The following MARCHF10 variants were observed in gnomAD, a reference collection of about 807,000 sequenced individuals.
MARCHF10 encodes membrane associated ring-CH-type finger 10.
Under a neutral mutation model 76.2 loss-of-function variants are expected in MARCHF10, and 64 were observed. The observed-to-expected ratio is 0.84, with a 90% CI of 0.69 to 1.03. The LOEUF (loss-of-function observed/expected upper bound fraction) is 1.03. Among genes scored for constraint, MARCHF10 ranks in the 50% least tolerant of loss-of-function variants. The probability of loss-of-function intolerance (pLI) is 0.00; values close to 1 mark genes in which losing one functional copy is unlikely to be tolerated. For synonymous variants in MARCHF10, 340 were observed against 357.5 expected (o/e 0.95, Z 0.55); for missense variants, 875 against 958.0 (o/e 0.91, Z 1.14).
rs968411286 is a variant in MARCHF10 at position 62,712,849 on chromosome 17, A to G, written c.2215-1505T>C. ...AACCTCCACCTCCCAGGTTCAAGCAATTCTCCTGCCTCAGCCTCCTGAGTA... is the reference window on the plus strand; with the variant it reads ...AACCTCCACCTCCCAGGTTCAAGCAGTTCTCCTGCCTCAGCCTCCTGAGTA... On this transcript the variant is annotated intron_variant, in intron 8 of 10. Coordinates refer to ENST00000311269, the MANE Select transcript of MARCHF10 (RefSeq NM_152598.4). The surrounding 1 kb of genome is among the most constrained non-coding windows in gnomAD (Gnocchi z 4.2). 6.6e-6 allele frequency among the ~76,000 whole-genome samples: 1 copy of G among 152,086 alleles called. No homozygotes were observed. Among genetic ancestry groups the G allele is most frequent in the African/African-American group, 2.4e-5 (1 of 41,408 alleles).
Position 62,800,293 on chromosome 17 carries a change from C to T in MARCHF10, c.90+1353G>A, listed in dbSNP as rs192834512. Among the ~76,000 whole-genome samples, 202 of 152,274 alleles carry T rather than the reference C, an allele frequency of 1.3e-3. 2 individuals carry two copies. Among genetic ancestry groups the T allele is most frequent in the Middle Eastern group, 0.01 (3 of 294 alleles). On this transcript the variant is annotated intron_variant, in intron 2 of 10. Transcript: ENST00000311269. ...ATTTTCTTCAACAAGGACCATAAAA[C>T]TATAAGATTGATTTTTTCCTACATG...
intron 6 of MARCHF10, among the ~76,000 whole-genome samples, chr17:62,733,327 T>A (rs1193622617): frequency 6.6e-6 from 1 of 150,580 alleles, no homozygotes; most frequent in Non-Finnish European, 1.5e-5. Context: ...TTTCACAGAA[T>A]GGAAAACACA....
At chr17:62,730,691 C>G (rs1039938183) in intron 6 of MARCHF10, among the ~76,000 whole-genome samples, 1 of 152,052 alleles carries the variant, frequency 6.6e-6, no homozygotes, top group Non-Finnish European at 1.5e-5. Flanking sequence ...GTCAGGAGTT[C>G]GAGACCAGCC....
Position 62,761,243 on chromosome 17 carries a change from A to C in MARCHF10, c.211-1237T>G, listed in dbSNP as rs77551702. Among the ~76,000 whole-genome samples the C allele has an allele frequency of 6.6e-3, 1,006 of 152,316 alleles. 7 individuals carry two copies. The highest frequency in any genetic ancestry group is 0.023 in the African/African-American group (949 of 41,576). On this transcript the variant is annotated intron_variant, in intron 3 of 10. Transcript: ENST00000311269. ...TTTGGATACAGCCTTCAAACAAATA[A>C]TTCTTGTTTCTCCGCACAATTTCAG...
At chr17:62,746,965 C>T (rs938911444) in intron 4 of MARCHF10, 64 of 1,535,944 alleles carry the variant, frequency 4.2e-5, no homozygotes, top group Non-Finnish European at 4.8e-5. Context: ...TCCACCAAGT[C>T]GGCTCTGACT....
intron 2 of MARCHF10, among the ~76,000 whole-genome samples, chr17:62,795,477 T>C (rs192202692): frequency 6.6e-6 from 1 of 151,832 alleles, no homozygotes; most frequent in Admixed American, 6.6e-5. Context: ...TGAAATAGCA[T>C]GCAATATGCC....
intron 5 of MARCHF10, among the ~76,000 whole-genome samples, chr17:62,739,501 C>A (rs1383853293): frequency 6.6e-6 from 1 of 151,698 alleles, no homozygotes; most frequent in South Asian, 2.1e-4. Context: ...CCTGCCTCAC[C>A]CTCCTGAGTA....
chr17:62,724,846 T>C lies in MARCHF10; in HGVS notation c.2104+92A>G, dbSNP rs892412702. ...TGAGTCGCTGTTCTGCGGAGGAGAG[T>C]GAGCTGATGACAAGGCTCCGGGGCC... On this transcript the variant is annotated intron_variant, in intron 7 of 10. Transcript: ENST00000311269. The C allele has an allele frequency of 7.3e-6, 10 of 1,373,058 alleles. No homozygotes were observed. The African/African-American group carries it at 1.5e-4, about 20-fold the overall frequency. 85.1% of individuals were successfully genotyped at this position (1,373,058 alleles called of 1,614,324 possible).
Position 62,754,182 on chromosome 17 carries a change from C to T in MARCHF10, c.382+5653G>A, listed in dbSNP as rs1164748592. On this transcript the variant is annotated intron_variant, in intron 4 of 10. Coordinates refer to ENST00000311269, the MANE Select transcript of MARCHF10 (RefSeq NM_152598.4). Reference sequence around the variant, plus strand: ...CCTCCTCCCGGGTTCAAGCGATTCTCGTACCTCAGCTTCCCAAGTAGCTGG... The same window carrying T: ...CCTCCTCCCGGGTTCAAGCGATTCTTGTACCTCAGCTTCCCAAGTAGCTGG... Among the ~76,000 whole-genome samples the T allele has an allele frequency of 2.0e-5, 3 of 152,196 alleles. No individual in the cohort carries two copies. The South Asian group carries it at 6.2e-4, about 32-fold the overall frequency.
At chr17:62,735,584 G>A (rs2091225152) in intron 6 of MARCHF10, 1 of 239,626 alleles carries the variant, frequency 4.2e-6, no homozygotes, top group Non-Finnish European at 7.8e-6. Flanking sequence ...TAGGGAGATA[G>A]CAACCTTTTC....
intron 2 of MARCHF10, among the ~76,000 whole-genome samples, chr17:62,797,736 C>G (rs562199571): frequency 6.6e-6 from 1 of 152,184 alleles, no homozygotes; most frequent in Admixed American, 6.5e-5. Flanking sequence ...CCAATGGTAT[C>G]GCCACATTTA....
chr17:62,772,291 TTCTC>T (rs1452380642), intron 3 of MARCHF10, among the ~76,000 whole-genome samples: 1 of 152,180 alleles, frequency 6.6e-6, no homozygotes, highest in Non-Finnish European at 1.5e-5. Context: ...CCTGCACAAG[TTCTC>T]TCTTTGTCTG....
chr17:62,798,947 G>C (rs1374139039), intron 2 of MARCHF10, among the ~76,000 whole-genome samples: 1 of 152,192 alleles, frequency 6.6e-6, no homozygotes, highest in Non-Finnish European at 1.5e-5. Flanking sequence ...GGACTAGATG[G>C]TGTGTAGCCT....
chr17:62,774,401 G>A (rs1454718150), intron 3 of MARCHF10, among the ~76,000 whole-genome samples: 1 of 152,116 alleles, frequency 6.6e-6, no homozygotes, highest in Non-Finnish European at 1.5e-5. Context: ...ACTGCCAGGG[G>A]ACTAACAGTG....
At chr17:62,769,117 G>A (rs143993027) in intron 3 of MARCHF10, among the ~76,000 whole-genome samples, 1 of 152,330 alleles carries the variant, frequency 6.6e-6, no homozygotes, top group Non-Finnish European at 1.5e-5. Flanking sequence ...TATAGGTGGT[G>A]TGGTGTCCTT....
At position 62,705,574 on chromosome 17, in the gene MARCHF10, C is replaced by A. The variant is rs753360637; in HGVS notation, c.2336G>T (p.Arg779Ile). 9.3e-6 allele frequency: 15 copies of A among 1,613,938 alleles called. No homozygotes were observed. Among genetic ancestry groups the A allele is most frequent in the East Asian group, 2.2e-5 (1 of 44,894 alleles). Reference protein sequence around the residue: ...HNQVERERLSRNYPQPRTEEN... With the variant: ...HNQVERERLSINYPQPRTEEN... Reference sequence around the variant, plus strand: ...CTCTGTTCTGGGTTGTGGGTAATTTCTTGACAACTACAAGAAAGAAGACAA... The same window carrying A: ...CTCTGTTCTGGGTTGTGGGTAATTTATTGACAACTACAAGAAAGAAGACAA... Residue 779 changes from arginine (R) to isoleucine (I), a missense_variant, in exon 10 of 11, where the codon AGA (arginine) becomes ATA (isoleucine). Coordinates refer to ENST00000311269, the MANE Select transcript of MARCHF10 (RefSeq NM_152598.4).
At chr17:62,757,766 C>G (rs77799662) in intron 4 of MARCHF10, among the ~76,000 whole-genome samples, 1 of 152,216 alleles carries the variant, frequency 6.6e-6, no homozygotes, top group East Asian at 1.9e-4. Context: ...GAGGCTTTTA[C>G]TACAAGTAAC....
rs2091276760 is a variant in MARCHF10, at chr17:62,736,609, A to G, written c.1259T>C (p.Val420Ala). The G allele has an allele frequency of 3.7e-6, 6 of 1,614,212 alleles. No homozygotes were observed. Among genetic ancestry groups the G allele is most frequent in the Non-Finnish European group, 5.1e-6 (6 of 1,180,044 alleles). The change falls in exon 6 of 11, where the codon GTA becomes GCA. Residue 420 changes from valine to alanine, a missense_variant. Transcript: ENST00000311269. ...TTCCACAGAAATACAATCACTCCAT[A>G]CATTTTCAGCATTGACACCAACCTC... is the stretch of plus-strand genomic sequence containing the variant. ...RQEVGVNAEN[V>A]WSDCISVEHR...
intron 3 of MARCHF10, among the ~76,000 whole-genome samples, chr17:62,779,549 A>G (rs1598005548): frequency 6.6e-6 from 1 of 152,316 alleles, no homozygotes; most frequent in Middle Eastern, 3.4e-3. Context: ...TACCCAGGTC[A>G]TAGAAAAACA....
Sources: allele counts gnomAD v4.1 joint callset (sites outside exome capture counted in the v4.1 genomes callset), GRCh38; gene constraint gnomAD v4.1.1; non-coding constraint Gnocchi (gnomAD v3.1); transcripts MANE v1.5; gene names NCBI Gene and HGNC (gene_info 2026-07-23, HGNC 2026-07-21).